PPP1R1C: variants seen among roughly 807,000 people sequenced by gnomAD.
PPP1R1C encodes protein phosphatase 1 regulatory inhibitor subunit 1C, also known as protein phosphatase 1 regulatory subunit 1C.
PPP1R1C carries 15 observed loss-of-function variants against 17.4 expected under a neutral mutation model. The observed-to-expected ratio is 0.86, with a 90% CI of 0.58 to 1.33. PPP1R1C has a LOEUF of 1.33. PPP1R1C is among the 40% of genes most tolerant of loss of function. The pLI is 0.00. For missense variants in PPP1R1C, 143 were observed against 130.0 expected (o/e 1.10, Z -0.48); for synonymous variants, 35 against 43.1 (o/e 0.81, Z 0.73).
chr2:182,055,124 C>T (rs1308948034), intron 2 of PPP1R1C, among the ~76,000 whole-genome samples: 2 of 151,556 alleles, frequency 1.3e-5, no homozygotes, highest in Non-Finnish European at 2.9e-5. Flanking sequence ...TTTATAATTC[C>T]ATTTTGATGT....
chr2:182,074,044 T>C (rs568889762), intron 4 of PPP1R1C, among the ~76,000 whole-genome samples: 74 of 147,906 alleles, frequency 5.0e-4, no homozygotes, highest in African/African-American at 1.4e-3. Flanking sequence ...TCTTCTTCTT[T>C]TTTTTTTTTT....
intron 2 of PPP1R1C, among the ~76,000 whole-genome samples, chr2:181,978,234 G>A (rs1685131625): frequency 6.6e-6 from 1 of 152,188 alleles, no homozygotes; most frequent in South Asian, 2.1e-4. Context: ...CTTAACACAT[G>A]GGGATTATCA....
intron 4 of PPP1R1C, 57 bp from the exon 5 acceptor site, chr2:182,117,150 G>A (rs757117515): frequency 4.9e-5 from 57 of 1,174,162 alleles, no homozygotes; most frequent in South Asian, 1.7e-4. Context: ...GCAGCAAAGC[G>A]GTTAATATTC....
At chr2:182,079,080 T>C (rs1008730764) in intron 4 of PPP1R1C, among the ~76,000 whole-genome samples, 6 of 152,252 alleles carry the variant, frequency 3.9e-5, no homozygotes, top group African/African-American at 1.4e-4. Flanking sequence ...AGAAATATAG[T>C]TGACTCTACA....
At chr2:182,073,978 C>T (rs1042719225) in intron 4 of PPP1R1C, among the ~76,000 whole-genome samples, 1 of 151,382 alleles carries the variant, frequency 6.6e-6, no homozygotes, top group African/African-American at 2.4e-5. Flanking sequence ...TGCCATATTT[C>T]TTGTGAGTGC....
At chr2:182,012,458 A>G (rs934406079) in intron 2 of PPP1R1C, among the ~76,000 whole-genome samples, 1 of 151,740 alleles carries the variant, frequency 6.6e-6, no homozygotes, top group African/African-American at 2.4e-5. Context: ...GTTGGCATGG[A>G]ATATCTTTTT....
intron 4 of PPP1R1C, among the ~76,000 whole-genome samples, chr2:182,100,767 C>T (rs888765843): frequency 1.3e-5 from 2 of 152,156 alleles, no homozygotes; most frequent in Non-Finnish European, 2.9e-5. Flanking sequence ...CTGCTGCCAC[C>T]TTAAGTAGGA....
At chr2:182,059,978 G>A (rs1574418900) in intron 2 of PPP1R1C, among the ~76,000 whole-genome samples, 1 of 152,094 alleles carries the variant, frequency 6.6e-6, no homozygotes, top group South Asian at 2.1e-4. Context: ...ATGGATCACA[G>A]TACATTGTTA....
At chr2:182,053,061 A>T (rs1166126619) in intron 2 of PPP1R1C, among the ~76,000 whole-genome samples, 1 of 152,228 alleles carries the variant, frequency 6.6e-6, no homozygotes, top group East Asian at 1.9e-4. Flanking sequence ...TAGTACACAA[A>T]ACAAAAGTGT....
At chr2:182,014,367 T>C (rs1032234410) in intron 2 of PPP1R1C, among the ~76,000 whole-genome samples, 1 of 152,166 alleles carries the variant, frequency 6.6e-6, no homozygotes, top group Non-Finnish European at 1.5e-5. Context: ...GAAGCTCTTG[T>C]TATCTTTCAT....
chr2:182,066,251 G>C (rs767954554), intron 4 of PPP1R1C, among the ~76,000 whole-genome samples: 11 of 152,004 alleles, frequency 7.2e-5, no homozygotes, highest in Admixed American at 1.3e-4. Context: ...GTTTATATCA[G>C]AAACTAATAC....
intron 2 of PPP1R1C, among the ~76,000 whole-genome samples, chr2:181,998,057 C>A (rs1411101057): frequency 6.6e-6 from 1 of 152,194 alleles, no homozygotes; most frequent in Non-Finnish European, 1.5e-5. Context: ...CTGTAACTTT[C>A]AAACTAGTTT....
At chr2:181,963,762 A>G (rs950584474) in intron 1 of PPP1R1C, among the ~76,000 whole-genome samples, 2 of 152,106 alleles carry the variant, frequency 1.3e-5, no homozygotes, top group African/African-American at 4.8e-5. Flanking sequence ...GTGAAAGACA[A>G]AAATATTAAC....
At chr2:182,022,410 A>G (rs1482178210) in intron 2 of PPP1R1C, among the ~76,000 whole-genome samples, 2 of 152,236 alleles carry the variant, frequency 1.3e-5, no homozygotes, top group Non-Finnish European at 2.9e-5. Flanking sequence ...TAGGAAAGTA[A>G]TAAGATAAAA....
chr2:182,019,389 C>G (rs1229351570), intron 2 of PPP1R1C, among the ~76,000 whole-genome samples: 1 of 152,186 alleles, frequency 6.6e-6, no homozygotes, highest in African/African-American at 2.4e-5. Context: ...ATTTTTACAG[C>G]TCTACTGGGC....
chr2:182,023,628 A>AT (rs879816384), intron 2 of PPP1R1C, among the ~76,000 whole-genome samples: 105 of 151,460 alleles, frequency 6.9e-4, no homozygotes, highest in African/African-American at 2.2e-3. Context: ...TAAATTATTG[A>AT]TTTTTTTTTA....
chr2:181,995,008 CT>C (rs1442014912), intron 2 of PPP1R1C, among the ~76,000 whole-genome samples: 4 of 152,028 alleles, frequency 2.6e-5, no homozygotes, highest in Non-Finnish European at 5.9e-5. Flanking sequence ...ATCCTTCAAC[CT>C]TTTTTTGGCA....
At chr2:181,973,786 A>C (rs2125134594) in intron 1 of PPP1R1C, among the ~76,000 whole-genome samples, 1 of 152,350 alleles carries the variant, frequency 6.6e-6, no homozygotes, top group South Asian at 2.1e-4. Flanking sequence ...CAGGATGAAT[A>C]CAGCATGTAA....
intron 2 of PPP1R1C, among the ~76,000 whole-genome samples, chr2:182,038,857 G>A (rs911659479): frequency 8.5e-5 from 13 of 152,160 alleles, no homozygotes; most frequent in African/African-American, 2.9e-4. Flanking sequence ...AAGGATGTGG[G>A]CAGAAGCTCC....
Sources: allele counts gnomAD v4.1 joint callset (sites outside exome capture counted in the v4.1 genomes callset), GRCh38; gene constraint gnomAD v4.1.1; transcripts MANE v1.5; gene names NCBI Gene and HGNC (gene_info 2026-07-23, HGNC 2026-07-21).